Variants in NEB observed in about 807,000 individuals in gnomAD.
The protein encoded by NEB is nemaline myopathy type 2.
Under a neutral mutation model 952.2 loss-of-function variants are expected in NEB, and 512 were observed. The ratio of observed to expected loss-of-function variants is 0.54; its 90% CI spans 0.50 to 0.58. The LOEUF (loss-of-function observed/expected upper bound fraction) is 0.58. NEB is among the 20% of genes least tolerant of loss of function. NEB has a pLI of 0.00. For synonymous variants in NEB, 2,900 were observed against 3,149.8 expected (o/e 0.92, Z 2.66); for missense variants, 8,428 against 9,231.1 (o/e 0.91, Z 3.56).
At chr2:151,562,862 GATCA>G in intron 119 of NEB, 54 bp from the exon 120 acceptor site, 1 of 1,293,226 alleles carries the variant, frequency 7.7e-7, no homozygotes, top group Non-Finnish European at 1.1e-6. Context: ...AAATTATTCA[GATCA>G]ATGTCTTTTA....
intron 27 of NEB, 71 bp from the exon 28 acceptor site, chr2:151,685,046 A>G (rs2099483604): frequency 7.1e-7 from 1 of 1,402,304 alleles, no homozygotes; most frequent in Admixed American, 2.0e-5. Flanking sequence ...GAGATCTTTC[A>G]TAAACAATAA....
chr2:151,627,682 C>T lies in NEB; in HGVS notation c.9984G>A (p.Lys3328=), dbSNP rs2154060927. ...CCAGCATGTCCACTGGGCTGCTGAA[C>T]TTGGTCTTCCACTTCTCAAAGTCCT... ...YKKDFEKWKT[K]FSSPVDMLGV... is the part of the protein sequence containing the mutation. The change falls in exon 69 of 182, where the codon AAG becomes AAA. Residue 3328 remains lysine, a synonymous_variant. Coordinates refer to ENST00000397345, the MANE Select transcript of NEB (RefSeq NM_001164508.2). 6.2e-7 allele frequency: 1 copy of T among 1,613,980 alleles called. No individual in the cohort carries two copies. The highest frequency in any genetic ancestry group is 8.5e-7 in the Non-Finnish European group (1 of 1,179,882).
rs2099397264 is a variant in NEB, at chr2:151,679,304, G to A, written c.3255+417C>T. ...GGCTATTACAGGTGGTGAAATTGAG[G>A]CCTATTCACCTGTCTACAGAAGTAA... On this transcript the variant is annotated intron_variant, in intron 32 of 181. Coordinates refer to ENST00000397345, the MANE Select transcript of NEB (RefSeq NM_001164508.2). Among the ~76,000 whole-genome samples the A allele has an allele frequency of 1.3e-5, 2 of 152,162 alleles. 1 individual carries two copies. Among genetic ancestry groups the A allele is most frequent in the African/African-American group, 4.8e-5 (2 of 41,446 alleles).
rs1374043300 is a variant in NEB, at chr2:151,493,399, G to A, written c.24719C>T (p.Thr8240Ile). The A allele has an allele frequency of 1.2e-6, 2 of 1,611,054 alleles. No individual in the cohort carries two copies. Among genetic ancestry groups the A allele is most frequent in the Non-Finnish European group, 1.7e-6 (2 of 1,179,086 alleles). Residue 8240 changes from threonine to isoleucine, a missense_variant, in exon 176 of 182, where the codon ACT (threonine) becomes ATT (isoleucine). Physicochemically the swap from Thr to Ile is moderately conservative, Grantham distance 89. Coordinates refer to ENST00000397345, the MANE Select transcript of NEB (RefSeq NM_001164508.2). ...GCGCTTAGCTCTCTCCATCTCTGGA[G>A]TAACAGGTGTCGGAGTTGCTTTTCT... Reference protein sequence around the residue: ...NMRKATPTPVTPEMERAKRNQ... With the variant: ...NMRKATPTPVIPEMERAKRNQ...
At chr2:151,733,991 T>C (rs1014971909) in intron 1 of NEB, among the ~76,000 whole-genome samples, 196 bp from the exon 2 acceptor site, 2 of 152,268 alleles carry the variant, frequency 1.3e-5, no homozygotes. Flanking sequence ...ATGTTTGCCA[T>C]GTAAACCAAT....
At position 151,568,721 on chromosome 2, in the gene NEB, G is replaced by A. The variant is rs2096521366; in HGVS notation, c.17536-5C>T. On this transcript the variant is annotated splice_polypyrimidine_tract_variant and splice_region_variant and intron_variant, in intron 110 of 181. Coordinates refer to ENST00000397345, the MANE Select transcript of NEB (RefSeq NM_001164508.2). ...TATTTTTGTGCGATATTTTTTCTAT[G>A]GGAAAGAAAGCATCTTTTAGATAGT... The A allele has an allele frequency of 3.2e-6, 5 of 1,566,378 alleles. No homozygotes were observed. The highest frequency in any genetic ancestry group is 4.3e-6 in the Non-Finnish European group (5 of 1,149,432).
chr2:151,705,799 T>A (rs1040132167), intron 13 of NEB, among the ~76,000 whole-genome samples: 4 of 152,192 alleles, frequency 2.6e-5, no homozygotes, highest in African/African-American at 9.7e-5. Flanking sequence ...GAGGCCATTA[T>A]TCTAAATGAA....
chr2:151,530,450 G>T (rs905622067), intron 145 of NEB, among the ~76,000 whole-genome samples: 3 of 152,120 alleles, frequency 2.0e-5, no homozygotes, highest in Non-Finnish European at 4.4e-5. Context: ...TGTGACTAAG[G>T]CCAAAGTAAA....
At chr2:151,639,563 C>A (rs1435197734) in intron 62 of NEB, among the ~76,000 whole-genome samples, 179 bp from the exon 63 acceptor site, 2 of 152,002 alleles carry the variant, frequency 1.3e-5, no homozygotes, top group Non-Finnish European at 2.9e-5. Context: ...TTATAAATGC[C>A]TTCTAATAAT....
chr2:151,654,147 T>G, intron 51 of NEB, 48 bp from the exon 52 acceptor site: 1 of 1,198,470 alleles, frequency 8.3e-7, no homozygotes, highest in Non-Finnish European at 1.2e-6. Flanking sequence ...ATATAAAGAA[T>G]ATCAATAGAT....
chr2:151,682,820 T>C (rs2099430645), intron 28 of NEB, 51 bp from the exon 29 acceptor site: 2 of 1,470,668 alleles, frequency 1.4e-6, no homozygotes, highest in Non-Finnish European at 1.9e-6. Context: ...ATCCTCATTA[T>C]GTAAAATCAT....
intron 161 of NEB, among the ~76,000 whole-genome samples, chr2:151,509,620 TTTTG>T (rs946974193): frequency 1.3e-5 from 2 of 152,126 alleles, no homozygotes; most frequent in African/African-American, 2.4e-5. Flanking sequence ...GAGGTTTTTT[TTTTG>T]TTTGTTTGGT....
At chr2:151,670,436 TGTCTCAGAATGAGACATACAGAC>T (rs1559064148) in intron 38 of NEB, among the ~76,000 whole-genome samples, 1 of 105,294 alleles carries the variant, frequency 9.5e-6, no homozygotes, top group East Asian at 5.9e-4. Flanking sequence ...CATACAGACG[TGTCTCAGAATGAGACATACAGAC>T]GTGTCTCAGA....
intron 150 of NEB, 94 bp downstream of exon 150, chr2:151,525,864 C>T: frequency 1.1e-6 from 1 of 938,986 alleles, no homozygotes; most frequent in Non-Finnish European, 1.8e-6. Flanking sequence ...AGTGAAGCTA[C>T]ATAAAGGAAG....
At chr2:151,697,780 A>G in intron 13 of NEB, 132 bp from the exon 14 acceptor site, 2 of 665,662 alleles carry the variant, frequency 3.0e-6, no homozygotes. Context: ...AAAACTGACA[A>G]TTGAGGCCAG....
chr2:151,639,362 T>C lies in NEB; in HGVS notation c.8912A>G (p.Asp2971Gly), dbSNP rs1190761192. ...TATGTGGATCTGAGTCTTGTCTTTG[T>C]CCCAGGCTTCTGTGTATAAACGCTA... Reference protein sequence around the residue: ...MNKRLYTEAWDKDKTQIHIMP... With the variant: ...MNKRLYTEAWGKDKTQIHIMP... The change falls in exon 63 of 182, where the codon GAC (aspartate) becomes GGC (glycine). Residue 2971 changes from aspartate to glycine, a missense_variant. This residue lies in a region of NEB where 1,772 missense variants were observed against 1,960.3 expected (regional missense o/e 0.90). Transcript: ENST00000397345. 6.5e-7 allele frequency: 1 copy of C among 1,545,914 alleles called. No individual in the cohort carries two copies. Among genetic ancestry groups the C allele is most frequent in the South Asian group, 1.2e-5 (1 of 84,052 alleles).
At chr2:151,715,734 A>G (rs1029691089) in intron 10 of NEB, among the ~76,000 whole-genome samples, 3 of 152,184 alleles carry the variant, frequency 2.0e-5, no homozygotes, top group Non-Finnish European at 4.4e-5. Context: ...AAGCCACCCA[A>G]TGTATGGTAT....
At chr2:151,517,323 G>A (rs897325322) in intron 156 of NEB, among the ~76,000 whole-genome samples, 5 of 152,156 alleles carry the variant, frequency 3.3e-5, no homozygotes, top group African/African-American at 9.7e-5. Flanking sequence ...CTCAATCTCC[G>A]AGCTCTTGGG....
In NEB at chr2:151,525,143, T is replaced by C; in HGVS notation, c.22272+20A>G. 1 of 1,553,418 alleles carries C rather than the reference T, an allele frequency of 6.4e-7. No homozygotes were observed. Among genetic ancestry groups the C allele is most frequent in the East Asian group, 2.2e-5 (1 of 44,516 alleles). On this transcript the variant is annotated intron_variant, in intron 151 of 181. Transcript: ENST00000397345. ...ACTGCTTCAAATGGGCCCCCAAGAG[T>C]GTTGAGAGGGAAAACTTACATCACT...
Sources: allele counts gnomAD v4.1 joint callset (sites outside exome capture counted in the v4.1 genomes callset), GRCh38; gene constraint gnomAD v4.1.1; regional missense constraint gnomAD v4.1.1; transcripts MANE v1.5; gene names NCBI Gene and HGNC (gene_info 2026-07-23, HGNC 2026-07-21).